PLB1: variants seen among roughly 807,000 people sequenced by gnomAD.
PLB1 encodes phospholipase B1.
A neutral mutation model predicts 227.4 loss-of-function variants in PLB1; 242 were observed. That is an observed-to-expected ratio of 1.06 (90% CI 0.96 to 1.18). PLB1 has a LOEUF of 1.18. Among genes scored for constraint, PLB1 ranks in the 50% most tolerant of loss-of-function variants. PLB1 has a pLI of 0.00. For missense variants in PLB1, 1,858 were observed against 1,816.3 expected (o/e 1.02, Z -0.42); for synonymous variants, 757 against 682.2 (o/e 1.11, Z -1.71).
At chr2:28,517,007 G>A (rs1179107026) in intron 2 of PLB1, 138 bp downstream of exon 2, 20 of 808,296 alleles carry the variant, frequency 2.5e-5, no homozygotes, top group Admixed American at 4.8e-5. Context: ...TGGATGAACC[G>A]CTTCCCCCAT....
chr2:28,518,463 C>T lies in PLB1; in HGVS notation c.118-3C>T. The T allele has an allele frequency of 6.2e-7, 1 of 1,609,198 alleles. No homozygotes were observed. Among genetic ancestry groups the T allele is most frequent in the Non-Finnish European group, 8.5e-7 (1 of 1,175,576 alleles). On this transcript the variant is annotated splice_region_variant and splice_polypyrimidine_tract_variant and intron_variant, in intron 2 of 57. Coordinates refer to ENST00000327757, the MANE Select transcript of PLB1 (RefSeq NM_153021.5). ...TGTTTCTGATGTTCGTTTTCAATTG[C>T]AGACCCTGAAGAATTCTCCATTCCC...
intron 25 of PLB1, among the ~76,000 whole-genome samples, chr2:28,583,772 C>T (rs1259713917): frequency 2.6e-5 from 4 of 152,014 alleles, no homozygotes; most frequent in Non-Finnish European, 5.9e-5. Context: ...GCGTGCATTA[C>T]TCACCTAGTT....
At position 28,642,892 on chromosome 2, in the gene PLB1, G is replaced by T. The variant is rs761462798; in HGVS notation, c.4208G>T (p.Arg1403Leu). Residue 1403 changes from arginine to leucine, a missense_variant, in exon 58 of 58, where the codon CGA (arginine) becomes CTA (leucine). By Grantham distance (102) the Arg-to-Leu change is moderately radical. Coordinates refer to ENST00000327757, the MANE Select transcript of PLB1 (RefSeq NM_153021.5). The stretch of plus-strand genomic sequence containing the variant: ...TACCTCTACACCCTGCGGAACAGCC[G>T]ATTGCTCCCAGACCAGGCTGAAGAA... ...SPYLYTLRNS[R>L]LLPDQAEEAP... 7 of 1,607,416 alleles carry T rather than the reference G, an allele frequency of 4.4e-6. No individual in the cohort carries two copies. The highest frequency in any genetic ancestry group is 1.7e-5 in the Admixed American group (1 of 59,360).
At chr2:28,509,840 C>G (rs751046867) in intron 1 of PLB1, among the ~76,000 whole-genome samples, 3 of 152,080 alleles carry the variant, frequency 2.0e-5, no homozygotes, top group Non-Finnish European at 2.9e-5. Context: ...TTCCACAGCA[C>G]CTTGGGGTAC....
intron 18 of PLB1, 86 bp from the exon 19 acceptor site, chr2:28,565,194 A>G: frequency 8.2e-7 from 1 of 1,215,302 alleles, no homozygotes; most frequent in Middle Eastern, 1.9e-4. Flanking sequence ...CCTGGCCAGC[A>G]TAAGAACATA....
chr2:28,503,964 A>G (rs957487577), intron 1 of PLB1, among the ~76,000 whole-genome samples: 1 of 152,230 alleles, frequency 6.6e-6, no homozygotes, highest in Non-Finnish European at 1.5e-5. Context: ...TTGGAAAAAT[A>G]TACCATCGTC....
intron 30 of PLB1, among the ~76,000 whole-genome samples, 185 bp downstream of exon 30, chr2:28,591,356 A>C (rs1055838460): frequency 2.0e-5 from 3 of 152,262 alleles, no homozygotes; most frequent in Non-Finnish European, 4.4e-5. Context: ...GCTGGAAGGC[A>C]TCCAGCCAAC....
At chr2:28,539,216 A>G (rs765068511) in intron 11 of PLB1, 38 bp downstream of exon 11, 2 of 1,556,058 alleles carry the variant, frequency 1.3e-6, no homozygotes, top group Admixed American at 3.3e-5. Context: ...CATCTGTGAC[A>G]CGGCTGTCAC....
chr2:28,617,633 C>T (rs139527870), intron 44 of PLB1, 94 bp from the exon 45 acceptor site: 4 of 1,199,188 alleles, frequency 3.3e-6, no homozygotes, highest in East Asian at 4.7e-5. Context: ...TTCTAGCCTC[C>T]ATCAAAAATC....
At chr2:28,540,061 A>AG (rs1672262201) in intron 11 of PLB1, among the ~76,000 whole-genome samples, 1 of 91,664 alleles carries the variant, frequency 1.1e-5, no homozygotes, top group Non-Finnish European at 2.2e-5. Context: ...CCTACCCCCT[A>AG]ACCCATACCC....
At position 28,589,766 on chromosome 2, in the gene PLB1, A is replaced by G; in HGVS notation, c.2012A>G (p.Asn671Ser). The change falls in exon 28 of 58, where the codon AAT becomes AGT. Residue 671 changes from asparagine (N) to serine (S), a missense_variant. Coordinates refer to ENST00000327757, the MANE Select transcript of PLB1 (RefSeq NM_153021.5). The stretch of plus-strand genomic sequence containing the variant: ...CGAGCAGCCAGTGCTCTCTGGAACA[A>G]TATGGTAAGTGGCTGCGGTAGGAAA... ...HSRAASALWN[N>S]MLEPVGQKTT... 1.2e-6 allele frequency: 2 copies of G among 1,613,174 alleles called. No homozygotes were observed. The highest frequency in any genetic ancestry group is 1.7e-6 in the Non-Finnish European group (2 of 1,179,398).
chr2:28,582,064 G>T lies in PLB1; in HGVS notation c.1567-4G>T. 2 of 1,612,286 alleles carry T rather than the reference G, an allele frequency of 1.2e-6. No homozygotes were observed. Among genetic ancestry groups the T allele is most frequent in the South Asian group, 1.1e-5 (1 of 91,040 alleles). On this transcript the variant is annotated splice_polypyrimidine_tract_variant and splice_region_variant and intron_variant, in intron 23 of 57. Transcript: ENST00000327757. ...TGTTCAAGGGACACTTCCTCTTCCT[G>T]CAGGTCCACTATTCTCCCCAGAACT...
intron 6 of PLB1, among the ~76,000 whole-genome samples, chr2:28,528,126 A>C (rs1670517428): frequency 1.3e-5 from 2 of 152,178 alleles, no homozygotes; most frequent in Non-Finnish European, 2.9e-5. Context: ...CAAGGTTGCA[A>C]AGCCAAGTGA....
chr2:28,511,165 C>A (rs530766286), intron 1 of PLB1, among the ~76,000 whole-genome samples: 29 of 152,258 alleles, frequency 1.9e-4, no homozygotes, highest in African/African-American at 7.0e-4. Flanking sequence ...AATCTGCCCA[C>A]AAAGCAATTT....
At chr2:28,511,788 C>CTTTTTTTTTTTTTT (rs59137589) in intron 1 of PLB1, among the ~76,000 whole-genome samples, 4 of 132,648 alleles carry the variant, frequency 3.0e-5, no homozygotes, top group African/African-American at 5.6e-5. Flanking sequence ...GCCATTTTAT[C>CTTTTTTTTTTTTTT]TTTTTTTTTT....
chr2:28,542,511 T>C (rs981103041), intron 13 of PLB1, among the ~76,000 whole-genome samples: 3 of 152,298 alleles, frequency 2.0e-5, no homozygotes, highest in South Asian at 2.1e-4. Flanking sequence ...GAGTTAATAC[T>C]TGGGGGGATG....
At chr2:28,621,732 C>T (rs1194482189) in intron 49 of PLB1, among the ~76,000 whole-genome samples, 5 of 152,182 alleles carry the variant, frequency 3.3e-5, no homozygotes, top group Admixed American at 1.3e-4. Flanking sequence ...GCCCCATGCT[C>T]TGTTTGAGTC....
chr2:28,575,860 T>A (rs767539410), intron 21 of PLB1, among the ~76,000 whole-genome samples: 1 of 152,142 alleles, frequency 6.6e-6, no homozygotes, highest in Non-Finnish European at 1.5e-5. Flanking sequence ...AGGCCCAATA[T>A]GTTTTATGAT....
chr2:28,598,038 C>A lies in PLB1; in HGVS notation c.2355C>A (p.Thr785=). The A allele has an allele frequency of 6.2e-7, 1 of 1,612,942 alleles. No individual in the cohort carries two copies. Among genetic ancestry groups the A allele is most frequent in the Non-Finnish European group, 8.5e-7 (1 of 1,179,132 alleles). Residue 785 remains threonine (T), a synonymous_variant, in exon 34 of 58, where the codon ACC becomes ACA. Transcript: ENST00000327757. ...GGGACGGCTCCCTGGAGAATGTGACCACCTTACCTAGTAAGTAACCATCAG... is the reference window on the plus strand; with the variant it reads ...GGGACGGCTCCCTGGAGAATGTGACAACCTTACCTAGTAAGTAACCATCAG... ...AGGDGSLENV[T]TLPNILREFN... is the part of the protein sequence containing the mutation.
Sources: allele counts gnomAD v4.1 joint callset (sites outside exome capture counted in the v4.1 genomes callset), GRCh38; gene constraint gnomAD v4.1.1; transcripts MANE v1.5; gene names NCBI Gene and HGNC (gene_info 2026-07-23, HGNC 2026-07-21).